The following FHIT variants were observed in gnomAD, a reference collection of about 807,000 sequenced individuals.
FHIT encodes the protein bis(5'-adenosyl)-triphosphatase.
FHIT carries 19 observed loss-of-function variants against 17.9 expected under a neutral mutation model. The observed-to-expected ratio is 1.06, with a 90% confidence interval of 0.74 to 1.56. The LOEUF is 1.56. Among genes scored for constraint, FHIT ranks in the 40% most tolerant of loss-of-function variants. The pLI, the probability that FHIT is intolerant of heterozygous loss-of-function variation, is 0.00. For missense variants in FHIT, 248 were observed against 189.2 expected (o/e 1.31, Z -1.82); for synonymous variants, 81 against 69.7 (o/e 1.16, Z -0.81).
At chr3:60,404,677 C>T (rs537203381) in intron 5 of FHIT, among the ~76,000 whole-genome samples, 2 of 152,234 alleles carry the variant, frequency 1.3e-5, no homozygotes, top group South Asian at 4.1e-4. Flanking sequence ...ATTCCCAGCC[C>T]TGCAACAGGG....
intron 3 of FHIT, among the ~76,000 whole-genome samples, chr3:60,827,263 A>G (rs1244195771): frequency 1.3e-5 from 2 of 152,196 alleles, no homozygotes; most frequent in African/African-American, 2.4e-5. Context: ...AAAAAGAAAC[A>G]ACCAAACCTT....
At chr3:60,245,027 A>G (rs1705322741) in intron 5 of FHIT, among the ~76,000 whole-genome samples, 1 of 152,038 alleles carries the variant, frequency 6.6e-6, no homozygotes, top group South Asian at 2.1e-4. Flanking sequence ...TAGCGGCAGC[A>G]GCTGTTTAAT....
intron 5 of FHIT, among the ~76,000 whole-genome samples, chr3:60,180,003 A>G (rs931663176): frequency 6.6e-6 from 1 of 152,178 alleles, no homozygotes; most frequent in Non-Finnish European, 1.5e-5. Flanking sequence ...CACGGGGACT[A>G]TATGTAATAT....
chr3:61,224,018 T>A (rs375603305), intron 1 of FHIT, among the ~76,000 whole-genome samples: 1 of 152,160 alleles, frequency 6.6e-6, no homozygotes, highest in East Asian at 1.9e-4. Context: ...GGTGAAATAG[T>A]ATGTATTTAC....
At chr3:60,969,319 C>A (rs1206132838) in intron 3 of FHIT, among the ~76,000 whole-genome samples, 1 of 151,918 alleles carries the variant, frequency 6.6e-6, no homozygotes, top group Non-Finnish European at 1.5e-5. Flanking sequence ...TTACTAATAT[C>A]TTTTTTAGTG....
At chr3:60,726,109 G>A (rs2041911934) in intron 4 of FHIT, among the ~76,000 whole-genome samples, 1 of 152,110 alleles carries the variant, frequency 6.6e-6, no homozygotes, top group African/African-American at 2.4e-5. Flanking sequence ...TCTAGCACTG[G>A]TAGATGACAT....
chr3:60,612,285 T>G (rs2038809380), intron 4 of FHIT, among the ~76,000 whole-genome samples: 1 of 152,146 alleles, frequency 6.6e-6, no homozygotes, highest in Admixed American at 6.5e-5. Flanking sequence ...TTGAGAGCCA[T>G]CTAAATTGCC....
At chr3:60,479,822 T>C in intron 5 of FHIT, among the ~76,000 whole-genome samples, 1 of 152,166 alleles carries the variant, frequency 6.6e-6, no homozygotes, top group South Asian at 2.1e-4. Context: ...ATATCTGAGG[T>C]AAAACAGTTT....
chr3:59,980,262 C>G (rs754370078), intron 7 of FHIT, among the ~76,000 whole-genome samples: 1 of 152,174 alleles, frequency 6.6e-6, no homozygotes, highest in Non-Finnish European at 1.5e-5. Context: ...AACTGTAAGG[C>G]AGATACTCAC....
chr3:60,419,494 A>T (rs1702392571), intron 5 of FHIT, among the ~76,000 whole-genome samples: 1 of 152,258 alleles, frequency 6.6e-6, no homozygotes, highest in Admixed American at 6.5e-5. Context: ...ACATTTCTGA[A>T]AGCTTTTCAC....
chr3:60,188,959 C>T (rs547384090), intron 5 of FHIT, among the ~76,000 whole-genome samples: 2 of 152,062 alleles, frequency 1.3e-5, no homozygotes, highest in African/African-American at 2.4e-5. Context: ...AATATGAGCA[C>T]TGTAGCTTTC....
chr3:60,809,397 T>C (rs1328381504), intron 4 of FHIT, among the ~76,000 whole-genome samples: 2 of 152,108 alleles, frequency 1.3e-5, no homozygotes, highest in East Asian at 1.9e-4. Context: ...CACTAGATAG[T>C]GGGGGTCTTT....
intron 1 of FHIT, among the ~76,000 whole-genome samples, chr3:61,230,933 C>G (rs563469053): frequency 1.3e-5 from 2 of 152,258 alleles, no homozygotes; most frequent in South Asian, 4.1e-4. Flanking sequence ...ACTGTGGATT[C>G]TATCACTGAC....
chr3:60,387,622 C>T (rs574368506), intron 5 of FHIT, among the ~76,000 whole-genome samples: 30 of 152,104 alleles, frequency 2.0e-4, no homozygotes, highest in Non-Finnish European at 3.2e-4. Flanking sequence ...CCCTTCTTCT[C>T]CAACCCTATG....
At chr3:60,553,262 T>TA in intron 4 of FHIT, 1 of 237,196 alleles carries the variant, frequency 4.2e-6, no homozygotes, top group Non-Finnish European at 6.8e-6. Context: ...TTTAATCAGT[T>TA]AGCCTATGGT....
intron 3 of FHIT, among the ~76,000 whole-genome samples, chr3:61,006,496 G>A (rs1417275587): frequency 6.6e-6 from 1 of 151,776 alleles, no homozygotes. Context: ...TGAGATTTAT[G>A]TAATGAGACA....
chr3:59,899,089 C>A (rs1014281145), intron 8 of FHIT, among the ~76,000 whole-genome samples: 36 of 152,156 alleles, frequency 2.4e-4, no homozygotes, highest in Non-Finnish European at 1.5e-4. Context: ...CATGTTCCTC[C>A]CAGCCTGGAT....
intron 4 of FHIT, among the ~76,000 whole-genome samples, chr3:60,768,888 C>T (rs1216032815): frequency 6.6e-6 from 1 of 152,198 alleles, no homozygotes; most frequent in African/African-American, 2.4e-5. Flanking sequence ...CTGGACCCTC[C>T]AGCCACCTGG....
intron 4 of FHIT, among the ~76,000 whole-genome samples, chr3:60,744,266 A>AAAAAAAAAAAAAAAAAAAAAAAAG (rs2042304962): frequency 1.9e-5 from 1 of 52,898 alleles, no homozygotes; most frequent in Non-Finnish European, 3.6e-5. Flanking sequence ...AACAAAACAA[A>AAAAAAAAAAAAAAAAAAAAAAAAG]ACAAAAAAAA....
Sources: gnomAD v4.1 joint callset for allele counts (sites outside exome capture counted in the v4.1 genomes callset) on GRCh38, gnomAD v4.1.1 for gene constraint, MANE v1.5 for transcripts, NCBI Gene and HGNC (gene_info 2026-07-23, HGNC 2026-07-21) for gene names.